CNP: variants seen among roughly 807,000 people sequenced by gnomAD.
CNP encodes 2',3'-cyclic nucleotide 3' phosphodiesterase.
A neutral mutation model predicts 37.9 loss-of-function variants in CNP; 8 were observed. The observed-to-expected ratio is 0.21, with a 90% CI of 0.12 to 0.38. The LOEUF is 0.38. Ranked by LOEUF, CNP falls within the 10% of genes least tolerant of loss-of-function variation. The pLI, the probability that CNP is intolerant of heterozygous loss-of-function variation, is 1.00. For synonymous variants in CNP, 237 were observed against 238.3 expected, an observed-to-expected ratio of 0.99 and a Z score of 0.05; for missense variants, 457 against 551.0, an observed-to-expected ratio of 0.83 and a Z score of 1.71.
In CNP at chr17:41,968,481, C is replaced by T. The variant is rs1172049053; in HGVS notation, c.417C>T (p.Asp139=). ...ERLEQLFEMA[D]QYQYQVVLVE... is the part of the protein sequence containing the mutation. The stretch of plus-strand genomic sequence containing the variant: ...TGGAGCAGCTCTTTGAAATGGCCGA[C>T]CAGTACCAGTACCAGGTGGTGCTGG... Residue 139 remains aspartate (D), a synonymous_variant, in exon 2 of 4, where the codon GAC becomes GAT. Coordinates refer to ENST00000393892, the MANE Select transcript of CNP (RefSeq NM_033133.5). This position sits in a 1 kb window ranked among gnomAD's most constrained non-coding sequence, Gnocchi z 4.8. 9 of 1,614,074 alleles carry T rather than the reference C, an allele frequency of 5.6e-6. No individual in the cohort carries two copies. The highest frequency in any genetic ancestry group is 7.6e-6 in the Non-Finnish European group (9 of 1,180,030).
rs188838660 is a variant in CNP at position 41,971,687 on chromosome 17, C to T, written c.677-205C>T. ...TGCTGGGATTACAGGTGTGAACCAC[C>T]GCACCTGGCCTGAGAATTTTAACTT... On this transcript the variant is annotated intron_variant, in intron 2 of 3. Coordinates refer to ENST00000393892, the MANE Select transcript of CNP (RefSeq NM_033133.5). 522 of 540,156 alleles carry T rather than the reference C, an allele frequency of 9.7e-4. 5 individuals are homozygous for T. Among genetic ancestry groups the T allele is most frequent in the African/African-American group, 9.2e-3 (479 of 52,070 alleles). 33.5% of individuals were successfully genotyped at this position (540,156 alleles called of 1,614,324 possible).
At chr17:41,972,908 A>G (rs558590146) in intron 3 of CNP, among the ~76,000 whole-genome samples, 1 of 152,342 alleles carries the variant, frequency 6.6e-6, no homozygotes, top group East Asian at 1.9e-4. Context: ...AAAGAATCAG[A>G]TAGAAGCAGA....
chr17:41,976,407 A>C lies in CNP; in HGVS notation c.*2483A>C, dbSNP rs376453922. On this transcript the variant is annotated 3_prime_UTR_variant, in exon 4 of 4. Coordinates refer to ENST00000393892, the MANE Select transcript of CNP (RefSeq NM_033133.5). ...GGCTCAGCTCTGGCTCACAGACTGG[A>C]GACAATGCAGATGCCAGAGCAAAGG... 1 of 293,968 alleles carries C rather than the reference A, an allele frequency of 3.4e-6. No individual in the cohort carries two copies. The highest frequency in any genetic ancestry group is 6.3e-6 in the Non-Finnish European group (1 of 157,642). 18.2% of individuals were successfully genotyped at this position (293,968 alleles called of 1,614,324 possible).
rs1264576367 is a variant in CNP, at chr17:41,973,792, G to C, written c.1134G>C (p.Gly378=). The part of the protein sequence containing the change: ...SRGKLYSLGN[G]RWMLTLAKNM... ...GCAAGCTCTATTCCTTGGGCAATGG[G>C]CGCTGGATGCTGACCCTGGCCAAGA... is the stretch of plus-strand genomic sequence containing the variant. Residue 378 remains glycine (G), a synonymous_variant, in exon 4 of 4, where the codon GGG becomes GGC. Coordinates refer to ENST00000393892, the MANE Select transcript of CNP (RefSeq NM_033133.5). 2 of 1,612,560 alleles carry C rather than the reference G, an allele frequency of 1.2e-6. No individual in the cohort carries two copies. Among genetic ancestry groups the C allele is most frequent in the African/African-American group, 2.7e-5 (2 of 74,900 alleles).
At chr17:41,971,828 C>T in intron 2 of CNP, 64 bp from the exon 3 acceptor site, 1 of 1,597,874 alleles carries the variant, frequency 6.3e-7, no homozygotes, top group Non-Finnish European at 8.6e-7. Flanking sequence ...CTCGGTGGTC[C>T]TGGTGGCGGA....
rs948017677 is a variant in CNP, at chr17:41,974,923, C to T, written c.*999C>T. ...CTCCTCTAACAGGGGCTGGTGGGCA[C>T]CAAGAGCCAATGGAGTAGACCCCTG... is the stretch of plus-strand genomic sequence containing the variant. On this transcript the variant is annotated 3_prime_UTR_variant, in exon 4 of 4. Coordinates refer to ENST00000393892, the MANE Select transcript of CNP (RefSeq NM_033133.5). 4 of 152,288 alleles carry T rather than the reference C, an allele frequency of 2.6e-5. No homozygotes were observed. Among genetic ancestry groups the T allele is most frequent in the African/African-American group, 9.7e-5 (4 of 41,448 alleles). The allele number at this position is 152,288 out of a possible 1,614,324, so 9.4% of individuals were successfully genotyped here.
Position 41,968,478 on chromosome 17 carries a change from C to T in CNP, c.414C>T (p.Ala138=), listed in dbSNP as rs377704890. 6.8e-6 allele frequency: 11 copies of T among 1,613,990 alleles called. No homozygotes were observed. In the East Asian group the frequency reaches 1.1e-4, roughly 16 times the overall value. ...GGCTGGAGCAGCTCTTTGAAATGGCCGACCAGTACCAGTACCAGGTGGTGC... is the reference window on the plus strand; with the variant it reads ...GGCTGGAGCAGCTCTTTGAAATGGCTGACCAGTACCAGTACCAGGTGGTGC... The part of the protein sequence containing the change: ...RERLEQLFEM[A]DQYQYQVVLV... Residue 138 remains alanine, a synonymous_variant, in exon 2 of 4, where the codon GCC becomes GCT. Transcript: ENST00000393892. This position sits in a 1 kb window ranked among gnomAD's most constrained non-coding sequence, Gnocchi z 4.8.
Position 41,968,871 on chromosome 17 carries a change from G to C in CNP, c.676+131G>C, listed in dbSNP as rs1264341728. 1 of 1,114,332 alleles carries C rather than the reference G, an allele frequency of 9.0e-7. No homozygotes were observed. The highest frequency in any genetic ancestry group is 2.6e-5 in the East Asian group (1 of 38,584). 69.0% of individuals were successfully genotyped at this position (1,114,332 alleles called of 1,614,324 possible). A position where few individuals can be genotyped will look rare whatever the true frequency, so the allele number is the denominator to read the frequency against. On this transcript the variant is annotated intron_variant, in intron 2 of 3. Transcript: ENST00000393892. This position sits in a 1 kb window ranked among gnomAD's most constrained non-coding sequence, Gnocchi z 4.8. ...GCAGAGAGAGGCTCACCTCAGCGGG[G>C]GCAGGGGCAAGCGGTGCGTCCCAGT...
At chr17:41,969,773 ATTGAAC>A (rs370908016) in intron 2 of CNP, among the ~76,000 whole-genome samples, 84 of 152,036 alleles carry the variant, frequency 5.5e-4, no homozygotes, top group African/African-American at 1.8e-3. Flanking sequence ...CCAGGCTGGT[ATTGAAC>A]TCCTGACCTC....
chr17:41,968,274 C>T lies in CNP; in HGVS notation c.210C>T (p.Ile70=), dbSNP rs782195746. 2 of 1,613,932 alleles carry T rather than the reference C, an allele frequency of 1.2e-6. No homozygotes were observed. Among genetic ancestry groups the T allele is most frequent in the Non-Finnish European group, 1.7e-6 (2 of 1,179,968 alleles). ...GSGKSTLARV[I]VDKYRDGTKM... is the part of the protein sequence containing the mutation. ...GCAAGTCCACGCTGGCACGGGTCAT[C>T]GTGGACAAGTACCGTGATGGCACCA... Residue 70 remains isoleucine (I), a synonymous_variant, in exon 2 of 4, where the codon ATC becomes ATT. Transcript: ENST00000393892. The surrounding 1 kb of genome is among the most constrained non-coding windows in gnomAD (Gnocchi z 4.8).
Position 41,968,803 on chromosome 17 carries a change from G to A in CNP, c.676+63G>A. ...TGGGCACAGGGTGCTGCGGGCAAAG[G>A]ACCATCATTGTACTCAAAGGATGGA... On this transcript the variant is annotated intron_variant, in intron 2 of 3. Transcript: ENST00000393892. The surrounding 1 kb of genome is among the most constrained non-coding windows in gnomAD (Gnocchi z 4.8). 2.0e-6 allele frequency: 3 copies of A among 1,495,496 alleles called. No individual in the cohort carries two copies. Among genetic ancestry groups the A allele is most frequent in the Non-Finnish European group, 2.7e-6 (3 of 1,117,310 alleles). 92.6% of individuals were successfully genotyped at this position (1,495,496 alleles called of 1,614,324 possible).
chr17:41,977,334 G>C lies in CNP; in HGVS notation c.*3410G>C. ...TGTTTGGATCAAAATCTGTAGAGCAGGGCAAGTAACATGGAAGGGAAGAAA... is the reference window on the plus strand; with the variant it reads ...TGTTTGGATCAAAATCTGTAGAGCACGGCAAGTAACATGGAAGGGAAGAAA... On this transcript the variant is annotated 3_prime_UTR_variant, in exon 4 of 4. Transcript: ENST00000393892. 2 of 1,574,148 alleles carry C rather than the reference G, an allele frequency of 1.3e-6. No homozygotes were observed. Among genetic ancestry groups the C allele is most frequent in the African/African-American group, 1.3e-5 (1 of 74,130 alleles).
chr17:41,977,071 C>CA lies in CNP; in HGVS notation c.*3149dup, dbSNP rs2051103579. 1 of 689,536 alleles carries CA rather than the reference C, an allele frequency of 1.5e-6. No individual in the cohort carries two copies. The highest frequency in any genetic ancestry group is 1.8e-5 in the African/African-American group (1 of 55,448). 42.7% of individuals were successfully genotyped at this position (689,536 alleles called of 1,614,324 possible). A position where few individuals can be genotyped will look rare whatever the true frequency, so the allele number is the denominator to read the frequency against. ...GCAGAGATGCGGTGGCTAAAGGTCC[C>CA]AAGGCAAGGGGTGCCTGGGAACCTT... is the stretch of plus-strand genomic sequence containing the variant. On this transcript the variant is annotated 3_prime_UTR_variant, in exon 4 of 4. Transcript: ENST00000393892.
In CNP at chr17:41,973,671, A is replaced by G. The variant is rs1555644197; in HGVS notation, c.1013A>G (p.Asp338Gly). Reference protein sequence around the residue: ...RAHITLGCAADVEAVQTGLDL... With the variant: ...RAHITLGCAAGVEAVQTGLDL... ...CACATCACCCTCGGCTGTGCAGCTG[A>G]CGTAGAGGCCGTGCAGACGGGCCTT... Residue 338 changes from aspartate (D) to glycine (G), a missense_variant, in exon 4 of 4, where the codon GAC becomes GGC. Around this residue, in one of 2 missense-constraint regions of CNP, gnomAD observed 291 missense variants for 291.7 expected, o/e 1.00. Coordinates refer to ENST00000393892, the MANE Select transcript of CNP (RefSeq NM_033133.5). 4 of 1,613,864 alleles carry G rather than the reference A, an allele frequency of 2.5e-6. No homozygotes were observed. In the African/African-American group the frequency reaches 5.3e-5, roughly 22 times the overall value.
intron 3 of CNP, 56 bp downstream of exon 3, chr17:41,972,087 G>A: frequency 1.3e-6 from 2 of 1,596,858 alleles, no homozygotes; most frequent in Non-Finnish European, 1.7e-6. Context: ...AGAAGGGGCT[G>A]CAGCATCTTC....
intron 2 of CNP, chr17:41,970,708 T>G (rs1391406077): frequency 2.0e-5 from 3 of 152,096 alleles, no homozygotes; most frequent in African/African-American, 7.2e-5. Context: ...AAAACTGGAT[T>G]TTTCTGCCCA....
chr17:41,968,138 G>A lies in CNP; in HGVS notation c.74G>A (p.Gly25Glu). 6.2e-7 allele frequency: 1 copy of A among 1,614,204 alleles called. No homozygotes were observed. The highest frequency in any genetic ancestry group is 8.5e-7 in the Non-Finnish European group (1 of 1,180,044). ...TTCTTCCGCAAGATGTCATCCTCAGGGGCCAAGGACAAGCCTGAGCTGCAG... is the reference window on the plus strand; with the variant it reads ...TTCTTCCGCAAGATGTCATCCTCAGAGGCCAAGGACAAGCCTGAGCTGCAG... ...KIFFRKMSSSGAKDKPELQFP... is the reference protein window; with the variant it reads ...KIFFRKMSSSEAKDKPELQFP... Residue 25 changes from glycine (G) to glutamate (E), a missense_variant, in exon 2 of 4, where the codon GGG becomes GAG. Coordinates refer to ENST00000393892, the MANE Select transcript of CNP (RefSeq NM_033133.5). This position sits in a 1 kb window ranked among gnomAD's most constrained non-coding sequence, Gnocchi z 4.8.
rs2050943388 is a variant in CNP, at chr17:41,968,887, G to A, written c.676+147G>A. On this transcript the variant is annotated intron_variant, in intron 2 of 3. Transcript: ENST00000393892. The surrounding 1 kb of genome is among the most constrained non-coding windows in gnomAD (Gnocchi z 4.8). ...CTCAGCGGGGGCAGGGGCAAGCGGT[G>A]CGTCCCAGTGGTAGCCTTGGGGAGT... The A allele has an allele frequency of 2.1e-6, 2 of 963,708 alleles. No individual in the cohort carries two copies. The highest frequency in any genetic ancestry group is 3.5e-5 in the South Asian group (2 of 56,904). 59.7% of individuals were successfully genotyped at this position (963,708 alleles called of 1,614,324 possible).
chr17:41,973,390 C>A, intron 3 of CNP, 85 bp from the exon 4 acceptor site: 1 of 1,308,792 alleles, frequency 7.6e-7, no homozygotes, highest in Non-Finnish European at 1.1e-6. Context: ...CCCCTTCTCT[C>A]CTCCAGGAGG....
Sources: gnomAD v4.1 joint callset for allele counts (sites outside exome capture counted in the v4.1 genomes callset) on GRCh38, gnomAD v4.1.1 for gene constraint, gnomAD v4.1.1 regional missense constraint, Gnocchi (gnomAD v3.1) non-coding constraint, MANE v1.5 for transcripts, NCBI Gene and HGNC (gene_info 2026-07-23, HGNC 2026-07-21) for gene names.